Variants in RABGAP1L observed in about 807,000 individuals in gnomAD.
The protein encoded by RABGAP1L is RAB GTPase activating protein 1 like.
RABGAP1L carries 63 observed loss-of-function variants against 137.7 expected under a neutral mutation model. The ratio of observed to expected loss-of-function variants is 0.46; its 90% confidence interval spans 0.37 to 0.56. The LOEUF is 0.56. Among genes scored for constraint, RABGAP1L ranks in the 20% least tolerant of loss-of-function variants. The pLI, the probability that RABGAP1L is intolerant of heterozygous loss-of-function variation, is 0.00. For synonymous variants in RABGAP1L, 431 were observed against 433.7 expected (o/e 0.99, Z 0.08); for missense variants, 1,095 against 1,244.0 (o/e 0.88, Z 1.80).
chr1:174,269,807 C>T (rs898391276), intron 7 of RABGAP1L, among the ~76,000 whole-genome samples: 1 of 152,068 alleles, frequency 6.6e-6, no homozygotes, highest in Middle Eastern at 3.4e-3. Context: ...TACTTATTTT[C>T]CCCCCCACTA....
intron 10 of RABGAP1L, among the ~76,000 whole-genome samples, chr1:174,299,647 A>C (rs923832475): frequency 1.3e-5 from 2 of 152,228 alleles, no homozygotes; most frequent in Non-Finnish European, 2.9e-5. Flanking sequence ...GGCCATAAAT[A>C]GTTCAAAATA....
At chr1:174,552,355 G>A (rs548214963) in intron 13 of RABGAP1L, among the ~76,000 whole-genome samples, 19 of 152,008 alleles carry the variant, frequency 1.2e-4, no homozygotes, top group Non-Finnish European at 2.4e-4. Context: ...GCCCCAGTAT[G>A]TTGTTTCCCT....
At chr1:174,977,158 A>C (rs2149379359) in intron 22 of RABGAP1L, among the ~76,000 whole-genome samples, 1 of 152,342 alleles carries the variant, frequency 6.6e-6, no homozygotes, top group Non-Finnish European at 1.5e-5. Context: ...AGTTCCACTA[A>C]AGTTACATGT....
At chr1:174,255,482 C>T (rs1370243450) in intron 7 of RABGAP1L, among the ~76,000 whole-genome samples, 1 of 152,112 alleles carries the variant, frequency 6.6e-6, no homozygotes, top group Non-Finnish European at 1.5e-5. Flanking sequence ...ACCAGTGTTA[C>T]CAAAATCTCA....
At chr1:174,690,829 C>CT (rs572724291) in intron 15 of RABGAP1L, among the ~76,000 whole-genome samples, 43,761 of 116,984 alleles carry the variant, frequency 0.37, 8,946 homozygotes, top group African/African-American at 0.43. Flanking sequence ...CAGCATTCAT[C>CT]TTTTTTTTTT....
intron 19 of RABGAP1L, among the ~76,000 whole-genome samples, chr1:174,880,064 CAAAA>C (rs10610404): frequency 7.8e-6 from 1 of 127,972 alleles, no homozygotes; most frequent in Non-Finnish European, 1.7e-5. Context: ...GACTCTGTCT[CAAAA>C]AAAAAAAAAG....
chr1:174,238,307 G>C (rs1366568265), intron 4 of RABGAP1L, among the ~76,000 whole-genome samples: 1 of 152,182 alleles, frequency 6.6e-6, no homozygotes, highest in East Asian at 1.9e-4. Flanking sequence ...TTCCGTTGCC[G>C]GTGAGGAACT....
chr1:174,659,459 A>C (rs1336023181), intron 14 of RABGAP1L, among the ~76,000 whole-genome samples: 1 of 151,828 alleles, frequency 6.6e-6, no homozygotes, highest in Non-Finnish European at 1.5e-5. Context: ...ACTGTTGATC[A>C]CTCCCTTGTT....
chr1:174,304,212 A>G (rs1677984284), intron 10 of RABGAP1L, among the ~76,000 whole-genome samples: 1 of 152,132 alleles, frequency 6.6e-6, no homozygotes, highest in African/African-American at 2.4e-5. Context: ...GTCTATTAAT[A>G]TAGTGGATTA....
chr1:174,353,150 A>G (rs79979763), intron 11 of RABGAP1L, among the ~76,000 whole-genome samples: 43 of 152,300 alleles, frequency 2.8e-4, no homozygotes, highest in African/African-American at 1.0e-3. Flanking sequence ...CCAAGAGTGG[A>G]TTCCCTTTTC....
At chr1:174,664,003 G>A (rs1187394884) in intron 14 of RABGAP1L, among the ~76,000 whole-genome samples, 5 of 152,254 alleles carry the variant, frequency 3.3e-5, no homozygotes, top group African/African-American at 1.2e-4. Context: ...CATTACGTAA[G>A]CTTCATTGAG....
chr1:174,426,567 T>C (rs879619896), intron 13 of RABGAP1L, among the ~76,000 whole-genome samples: 3 of 152,054 alleles, frequency 2.0e-5, no homozygotes, highest in Admixed American at 2.0e-4. Context: ...GGAAATACTT[T>C]ATATATAATG....
chr1:174,428,405 C>T (rs1024528458), intron 13 of RABGAP1L, among the ~76,000 whole-genome samples: 7 of 152,134 alleles, frequency 4.6e-5, no homozygotes, highest in Non-Finnish European at 1.0e-4. Flanking sequence ...TTGTACAAAG[C>T]AAATGTATGT....
At chr1:174,402,734 A>C (rs921148469) in intron 13 of RABGAP1L, among the ~76,000 whole-genome samples, 1 of 152,172 alleles carries the variant, frequency 6.6e-6, no homozygotes, top group Admixed American at 6.5e-5. Flanking sequence ...CGACAATAGA[A>C]GGATCATGAC....
intron 7 of RABGAP1L, among the ~76,000 whole-genome samples, chr1:174,269,973 C>T: frequency 1.3e-5 from 2 of 152,330 alleles, no homozygotes; most frequent in Middle Eastern, 6.8e-3. Context: ...TATCTAATTT[C>T]TGACACATTA....
chr1:174,270,732 A>C (rs1674492159), intron 7 of RABGAP1L, among the ~76,000 whole-genome samples: 1 of 152,142 alleles, frequency 6.6e-6, no homozygotes, highest in South Asian at 2.1e-4. Context: ...CAGAAGGGAG[A>C]AATTATTTTT....
intron 12 of RABGAP1L, among the ~76,000 whole-genome samples, chr1:174,391,891 A>G (rs1002424421): frequency 6.6e-6 from 1 of 152,312 alleles, no homozygotes; most frequent in Non-Finnish European, 1.5e-5. Flanking sequence ...CCAGTTTTCT[A>G]TACTAATACC....
At chr1:174,845,044 A>G (rs1230437124) in intron 19 of RABGAP1L, among the ~76,000 whole-genome samples, 2 of 148,634 alleles carry the variant, frequency 1.3e-5, no homozygotes, top group African/African-American at 2.5e-5. Flanking sequence ...ATTGGTGTAT[A>G]AGAATGCTTG....
Position 174,875,505 on chromosome 1 carries a change from A to G in RABGAP1L, c.2340+63545A>G, listed in dbSNP as rs919255202. 2.6e-5 allele frequency: 26 copies of G among 985,032 alleles called. No individual in the cohort carries two copies. The South Asian group carries it at 1.2e-3, about 45-fold the overall frequency. The allele number at this position is 985,032 out of a possible 1,614,324, so 61.0% of individuals were successfully genotyped here. On this transcript the variant is annotated intron_variant, in intron 19 of 25. Coordinates refer to ENST00000681986, the MANE Select transcript of RABGAP1L (RefSeq NM_001366446.1). Reference sequence around the variant, plus strand: ...AAGTACTTTCTTTACCTTCCACAACAGGTGTCTTTGTCAGTGCACCTTATT... The same window carrying G: ...AAGTACTTTCTTTACCTTCCACAACGGGTGTCTTTGTCAGTGCACCTTATT...
Sources: allele counts gnomAD v4.1 joint callset (sites outside exome capture counted in the v4.1 genomes callset), GRCh38; gene constraint gnomAD v4.1.1; transcripts MANE v1.5; gene names NCBI Gene and HGNC (gene_info 2026-07-23, HGNC 2026-07-21).